Variants in DRC11 observed in about 807,000 individuals in gnomAD.
The protein encoded by DRC11 is dynein regulatory complex subunit 11, also known as IQ and AAA domain-containing protein 1.
the DRC11 span, among the ~76,000 whole-genome samples, chr2:236,465,318 A>T: frequency 6.6e-6 from 1 of 152,172 alleles, no homozygotes; most frequent in East Asian, 1.9e-4. The surrounding 1 kb of genome is among the most constrained non-coding windows in gnomAD (Gnocchi z 6.2). Context: ...CATAGGCACT[A>T]TGTGGGCCGT....
the DRC11 span, among the ~76,000 whole-genome samples, chr2:236,357,697 C>A: frequency 5.1e-4 from 43 of 84,112 alleles, 1 homozygote; most frequent in East Asian, 1.7e-3. Context: ...ATGTAAATAT[C>A]TGATATGTAA....
At chr2:236,352,890 C>T in the DRC11 span, among the ~76,000 whole-genome samples, 1 of 152,170 alleles carries the variant, frequency 6.6e-6, no homozygotes, top group African/African-American at 2.4e-5. This position sits in a 1 kb window ranked among gnomAD's most constrained non-coding sequence, Gnocchi z 7.0. Context: ...CTTAGAATGA[C>T]TGCCAGGAGA....
At chr2:236,338,597 C>A in the DRC11 span, among the ~76,000 whole-genome samples, 1 of 152,136 alleles carries the variant, frequency 6.6e-6, no homozygotes, top group Non-Finnish European at 1.5e-5. Context: ...CTTTCCTCAA[C>A]CTCTGGTGTC....
chr2:236,383,018 A>C, the DRC11 span, among the ~76,000 whole-genome samples: 3 of 152,184 alleles, frequency 2.0e-5, no homozygotes, highest in Non-Finnish European at 4.4e-5. Flanking sequence ...CATTGGTATA[A>C]TATTATCAAT....
chr2:236,447,548 C>A, the DRC11 span, among the ~76,000 whole-genome samples: 1 of 147,826 alleles, frequency 6.8e-6, no homozygotes, highest in African/African-American at 2.7e-5. This position sits in a 1 kb window ranked among gnomAD's most constrained non-coding sequence, Gnocchi z 4.6. Flanking sequence ...AAGAAAGGCA[C>A]CAGCATTCAC....
the DRC11 span, among the ~76,000 whole-genome samples, chr2:236,322,940 T>C: frequency 6.6e-6 from 1 of 152,226 alleles, no homozygotes; most frequent in African/African-American, 2.4e-5. Flanking sequence ...TTTTCCATCA[T>C]TGCAGAAAGT....
the DRC11 span, chr2:236,487,983 G>A: frequency 5.3e-6 from 8 of 1,522,094 alleles, no homozygotes; most frequent in East Asian, 2.4e-5. Flanking sequence ...CCAACTCCAG[G>A]AGCCCTAGGT....
chr2:236,413,979 A>G, the DRC11 span, among the ~76,000 whole-genome samples: 1 of 152,226 alleles, frequency 6.6e-6, no homozygotes, highest in Non-Finnish European at 1.5e-5. This position sits in a 1 kb window ranked among gnomAD's most constrained non-coding sequence, Gnocchi z 4.0. Context: ...GTTAGCAGAA[A>G]ATGTCCTCCT....
the DRC11 span, among the ~76,000 whole-genome samples, chr2:236,496,137 T>C: frequency 6.6e-6 from 1 of 152,192 alleles, no homozygotes; most frequent in African/African-American, 2.4e-5. The surrounding 1 kb of genome is among the most constrained non-coding windows in gnomAD (Gnocchi z 6.3). Flanking sequence ...ATTGTCACTT[T>C]AGTGAGTAAA....
At chr2:236,371,948 TA>T in the DRC11 span, among the ~76,000 whole-genome samples, 1 of 152,200 alleles carries the variant, frequency 6.6e-6, no homozygotes, top group Non-Finnish European at 1.5e-5. This position sits in a 1 kb window ranked among gnomAD's most constrained non-coding sequence, Gnocchi z 5.1. Flanking sequence ...TTTACACAGA[TA>T]CCCAAAGGCA....
At chr2:236,373,214 A>C in the DRC11 span, among the ~76,000 whole-genome samples, 2 of 147,380 alleles carry the variant, frequency 1.4e-5, no homozygotes, top group Admixed American at 6.7e-5. Flanking sequence ...TTTCTATTTT[A>C]TGCTGTTCTC....
chr2:236,424,495 A>G, the DRC11 span, among the ~76,000 whole-genome samples: 1 of 152,184 alleles, frequency 6.6e-6, no homozygotes, highest in African/African-American at 2.4e-5. Context: ...CTAGCCAAGA[A>G]GATCCACTTT....
chr2:236,421,372 G>A, the DRC11 span, among the ~76,000 whole-genome samples: 1,757 of 152,244 alleles, frequency 0.012, 16 homozygotes, highest in Non-Finnish European at 0.019. Flanking sequence ...AAATGTTAAA[G>A]GGGATATCAC....
the DRC11 span, among the ~76,000 whole-genome samples, chr2:236,478,567 C>G: frequency 1.3e-5 from 2 of 152,042 alleles, no homozygotes; most frequent in Non-Finnish European, 2.9e-5. This position sits in a 1 kb window ranked among gnomAD's most constrained non-coding sequence, Gnocchi z 5.9. Flanking sequence ...TAGTGTGTAG[C>G]TTAATTCTCA....
chr2:236,340,157 G>T, the DRC11 span, among the ~76,000 whole-genome samples: 4 of 152,326 alleles, frequency 2.6e-5, no homozygotes, highest in African/African-American at 9.6e-5. Flanking sequence ...TTGAGACAGA[G>T]TCTCACTGTG....
the DRC11 span, among the ~76,000 whole-genome samples, chr2:236,482,803 G>A: frequency 3.6e-3 from 545 of 151,982 alleles, 5 homozygotes; most frequent in African/African-American, 0.012. This position sits in a 1 kb window ranked among gnomAD's most constrained non-coding sequence, Gnocchi z 4.5. Context: ...TTTTTATTTT[G>A]TATTTTTGAC....
the DRC11 span, among the ~76,000 whole-genome samples, chr2:236,349,502 A>C: frequency 1.8e-4 from 28 of 152,360 alleles, 1 homozygote; most frequent in African/African-American, 6.7e-4. This position sits in a 1 kb window ranked among gnomAD's most constrained non-coding sequence, Gnocchi z 5.5. Context: ...GATAAAGAAA[A>C]TGTGGTACAT....
the DRC11 span, among the ~76,000 whole-genome samples, chr2:236,437,157 G>T: frequency 3.6e-5 from 5 of 140,542 alleles, no homozygotes; most frequent in African/African-American, 1.3e-4. Flanking sequence ...TGTTCTCATT[G>T]TTCAATTCCC....
the DRC11 span, among the ~76,000 whole-genome samples, chr2:236,341,219 C>T: frequency 8.5e-5 from 13 of 152,234 alleles, no homozygotes; most frequent in Admixed American, 3.3e-4. Context: ...GTCAGGGAGG[C>T]GCTTGCTAGA....
Sources: allele counts gnomAD v4.1 joint callset (sites outside exome capture counted in the v4.1 genomes callset), GRCh38; gene constraint gnomAD v4.1.1; non-coding constraint Gnocchi (gnomAD v3.1); transcripts MANE v1.5; gene names NCBI Gene and HGNC (gene_info 2026-07-23, HGNC 2026-07-21).